IL17RB: variants seen among roughly 807,000 people sequenced by gnomAD.
The protein encoded by IL17RB is interleukin 17 receptor B.
Under a neutral mutation model 43.9 loss-of-function variants are expected in IL17RB, and 36 were observed. The observed-to-expected ratio is 0.82, with a 90% CI of 0.63 to 1.08. IL17RB has a LOEUF of 1.08. Among genes scored for constraint, IL17RB ranks in the 50% least tolerant of loss-of-function variants. The probability of loss-of-function intolerance (pLI) is 0.00; values close to 1 mark genes in which losing one functional copy is unlikely to be tolerated. For missense variants in IL17RB, 613 were observed against 613.6 expected (o/e 1.00, Z 0.01); for synonymous variants, 225 against 225.4 (o/e 1.00, Z 0.02).
At chr3:53,864,229 A>G (rs1017544952) in intron 10 of IL17RB, among the ~76,000 whole-genome samples, 2 of 152,230 alleles carry the variant, frequency 1.3e-5, no homozygotes, top group Non-Finnish European at 2.9e-5. Flanking sequence ...TGCTTTTAAA[A>G]TAAGGTTTAA....
intron 5 of IL17RB, 103 bp downstream of exon 5, chr3:53,853,100 T>A: frequency 7.4e-7 from 1 of 1,358,162 alleles, no homozygotes; most frequent in Non-Finnish European, 1.0e-6. Flanking sequence ...CTTTTGGCCT[T>A]GCTAAATCTC....
intron 10 of IL17RB, 137 bp from the exon 11 acceptor site, chr3:53,864,609 T>C (rs1699711950): frequency 2.9e-6 from 2 of 684,338 alleles, no homozygotes; most frequent in Non-Finnish European, 5.1e-6. Context: ...CAGGATGTTT[T>C]TCCTTGCTGT....
chr3:53,856,724 G>A (rs28385672), intron 6 of IL17RB, 120 bp from the exon 7 acceptor site: 182 of 899,128 alleles, frequency 2.0e-4, no homozygotes, highest in Non-Finnish European at 2.9e-4. Context: ...ATGTAGCAGC[G>A]TCCCTATCTC....
At chr3:53,861,430 A>T (rs4687593) in intron 10 of IL17RB, 1 of 152,172 alleles carries the variant, frequency 6.6e-6, no homozygotes, top group African/African-American at 2.4e-5. Flanking sequence ...AAAGAAAAAA[A>T]TTCATGAAGC....
chr3:53,850,328 C>T (rs1443202701), intron 3 of IL17RB, among the ~76,000 whole-genome samples: 2 of 151,458 alleles, frequency 1.3e-5, no homozygotes, highest in Admixed American at 1.3e-4. Context: ...AAAACCCCAT[C>T]TCTACTAAGA....
In IL17RB at chr3:53,849,691, TC is replaced by T. The variant is rs758585593; in HGVS notation, c.126del (p.Gly43GlufsTer3). On this transcript the variant is annotated frameshift_variant, in exon 3 of 11. Transcript: ENST00000288167. LOFTEE classifies it high-confidence loss of function. ...GAGTGGATGCTACAACATGATCTAA[TC>T]CCCGGAGACTTGAGGGACCTCCGAG... is the stretch of plus-strand genomic sequence containing the variant. ...SPEWMLQHDL[I>X]PGDLRDLRVE... The T allele has an allele frequency of 1.2e-6, 2 of 1,612,870 alleles. No homozygotes were observed. Among genetic ancestry groups the T allele is most frequent in the Non-Finnish European group, 1.7e-6 (2 of 1,179,486 alleles).
chr3:53,857,038 G>A, intron 7 of IL17RB, 52 bp downstream of exon 7: 1 of 1,591,248 alleles, frequency 6.3e-7, no homozygotes, highest in Non-Finnish European at 8.6e-7. Flanking sequence ...TCCTTAGTGT[G>A]TTGAAGGAAA....
In IL17RB at chr3:53,848,370, G is replaced by A. The variant is rs375450110; in HGVS notation, c.61-294G>A. ...GGTCCCAAGTCATCCCCTGCTTGCA[G>A]CAGGGAAGGATGACATCCAGAGACA... is the stretch of plus-strand genomic sequence containing the variant. On this transcript the variant is annotated intron_variant, in intron 1 of 10. Coordinates refer to ENST00000288167, the MANE Select transcript of IL17RB (RefSeq NM_018725.4). Among the ~76,000 whole-genome samples, 392 of 152,354 alleles carry A rather than the reference G, an allele frequency of 2.6e-3. 2 individuals carry two copies. The highest frequency in any genetic ancestry group is 8.3e-3 in the African/African-American group (346 of 41,576).
chr3:53,846,685 G>C, intron 1 of IL17RB, 37 bp downstream of exon 1: 2 of 1,550,158 alleles, frequency 1.3e-6, no homozygotes, highest in Non-Finnish European at 1.7e-6. Flanking sequence ...TCATCTCCCG[G>C]CCCTCGAGCC....
intron 8 of IL17RB, chr3:53,857,911 G>A: frequency 1.8e-6 from 1 of 545,454 alleles, no homozygotes; most frequent in Non-Finnish European, 3.3e-6. Flanking sequence ...AATGGCTGCT[G>A]ACCTTCCAAA....
intron 9 of IL17RB, chr3:53,859,208 C>T (rs1170448949): frequency 6.3e-6 from 1 of 159,210 alleles, no homozygotes; most frequent in Non-Finnish European, 1.4e-5. Flanking sequence ...CCAGGATGAG[C>T]TTTTGGTGTG....
Position 53,857,670 on chromosome 3 carries a change from A to G in IL17RB, c.727A>G (p.Ser243Gly), listed in dbSNP as rs1364266427. The part of the protein sequence containing the change: ...ASVVIPVTGD[S>G]EGATVQLTPY... ...AGTGGTGATTCCAGTGACTGGGGAT[A>G]GTGAAGGTGCTACGGTGCAGGTAAA... is the stretch of plus-strand genomic sequence containing the variant. Residue 243 changes from serine to glycine, a missense_variant, in exon 8 of 11, where the codon AGT becomes GGT. Coordinates refer to ENST00000288167, the MANE Select transcript of IL17RB (RefSeq NM_018725.4). 6.2e-7 allele frequency: 1 copy of G among 1,614,140 alleles called. No homozygotes were observed. Among genetic ancestry groups the G allele is most frequent in the Non-Finnish European group, 8.5e-7 (1 of 1,179,974 alleles).
chr3:53,865,275 A>G lies in IL17RB; in HGVS notation c.1476A>G (p.Ser492=), dbSNP rs145299223. 3 of 1,609,154 alleles carry G rather than the reference A, an allele frequency of 1.9e-6. No homozygotes were observed. The African/African-American group carries it at 4.0e-5, about 21-fold the overall frequency. The change falls in exon 11 of 11, where the codon TCA becomes TCG. Residue 492 remains serine, a synonymous_variant. Transcript: ENST00000288167. The part of the protein sequence containing the change: ...VKQQVSAGKR[S]QACHDGCCSL ...AGCAGGTGTCAGCAGGAAAAAGATCACAAGCCTGCCACGATGGCTGCTGCT... is the reference window on the plus strand; with the variant it reads ...AGCAGGTGTCAGCAGGAAAAAGATCGCAAGCCTGCCACGATGGCTGCTGCT...
At chr3:53,856,710 C>T in intron 6 of IL17RB, 134 bp from the exon 7 acceptor site, 3 of 781,316 alleles carry the variant, frequency 3.8e-6, no homozygotes, top group South Asian at 3.5e-5. Context: ...ATAAAAAGTT[C>T]ACTATGTAGC....
intron 3 of IL17RB, among the ~76,000 whole-genome samples, chr3:53,850,499 C>CAAAA (rs57986255): frequency 0.07 from 5,693 of 81,604 alleles, 297 homozygotes; most frequent in East Asian, 0.35. Context: ...AACTCCGTCT[C>CAAAA]AAAAAAAAAA....
At chr3:53,863,192 C>T (rs1217659749) in intron 10 of IL17RB, among the ~76,000 whole-genome samples, 1 of 152,166 alleles carries the variant, frequency 6.6e-6, no homozygotes, top group Non-Finnish European at 1.5e-5. Context: ...GGTAAGACTT[C>T]CAGTCAACAG....
At chr3:53,853,746 A>G (rs771617802) in intron 5 of IL17RB, among the ~76,000 whole-genome samples, 4 of 152,154 alleles carry the variant, frequency 2.6e-5, no homozygotes, top group South Asian at 2.1e-4. Flanking sequence ...GTAATTTCCA[A>G]TTCACTGCTG....
chr3:53,858,680 G>A lies in IL17RB; in HGVS notation c.748-39G>A, dbSNP rs754324674. The A allele has an allele frequency of 9.3e-6, 15 of 1,608,258 alleles. No individual in the cohort carries two copies. The African/African-American group carries it at 1.7e-4, about 19-fold the overall frequency. On this transcript the variant is annotated intron_variant, in intron 8 of 10. Coordinates refer to ENST00000288167, the MANE Select transcript of IL17RB (RefSeq NM_018725.4). ...AGTCTTGGTGAGATTTTGCTCTGAT[G>A]CATGGTGTGAACTTTCTGAGCCTCT...
At chr3:53,855,443 G>A in intron 6 of IL17RB, 102 bp downstream of exon 6, 1 of 785,932 alleles carries the variant, frequency 1.3e-6, no homozygotes, top group South Asian at 1.7e-5. Flanking sequence ...CCCTAGGGGA[G>A]AGTTGAATAT....
Sources: gnomAD v4.1 joint callset for allele counts (sites outside exome capture counted in the v4.1 genomes callset) on GRCh38, gnomAD v4.1.1 for gene constraint, MANE v1.5 for transcripts, NCBI Gene and HGNC (gene_info 2026-07-23, HGNC 2026-07-21) for gene names.